Variants in GALNT13 observed in about 807,000 individuals in gnomAD.
The protein encoded by GALNT13 is UDP-GalNAc:polypeptide N-acetylgalactosaminyltransferase 13.
Under a neutral mutation model 64.2 loss-of-function variants are expected in GALNT13, and 28 were observed. The observed-to-expected ratio is 0.44, with a 90% confidence interval of 0.32 to 0.60. The LOEUF is 0.60. GALNT13 is among the 20% of genes least tolerant of loss of function. The probability of loss-of-function intolerance (pLI) is 0.05; values close to 1 mark genes in which losing one functional copy is unlikely to be tolerated. For missense variants in GALNT13, 577 were observed against 669.8 expected (o/e 0.86, Z 1.53); for synonymous variants, 214 against 224.6 (o/e 0.95, Z 0.42).
the GALNT13 span, among the ~76,000 whole-genome samples, chr2:153,283,899 C>A: frequency 1.3e-5 from 2 of 152,120 alleles, no homozygotes. Flanking sequence ...CTGATCCATG[C>A]AAATTGGTGC....
the GALNT13 span, among the ~76,000 whole-genome samples, chr2:153,454,492 C>A: frequency 6.6e-6 from 1 of 152,144 alleles, no homozygotes; most frequent in African/African-American, 2.4e-5. Context: ...GCTCCTTGGA[C>A]AACTGAAACA....
intron 1 of GALNT13, among the ~76,000 whole-genome samples, chr2:153,877,599 G>C (rs552524140): frequency 6.6e-6 from 1 of 152,202 alleles, no homozygotes; most frequent in African/African-American, 2.4e-5. Flanking sequence ...GGAGGATTAT[G>C]TAGCTTAGAA....
the GALNT13 span, among the ~76,000 whole-genome samples, chr2:153,614,316 T>G: frequency 3.9e-5 from 6 of 152,102 alleles, no homozygotes; most frequent in Non-Finnish European, 7.4e-5. Flanking sequence ...ACTGTGGTGA[T>G]TAAAGAAAAT....
the GALNT13 span, among the ~76,000 whole-genome samples, chr2:153,639,541 C>A: frequency 6.6e-6 from 1 of 151,930 alleles, no homozygotes; most frequent in Non-Finnish European, 1.5e-5. Flanking sequence ...TAGCAGTGTG[C>A]AAGAAGTCAA....
At chr2:153,121,196 A>C in the GALNT13 span, among the ~76,000 whole-genome samples, 1 of 152,300 alleles carries the variant, frequency 6.6e-6, no homozygotes, top group Admixed American at 6.5e-5. Context: ...AAGACCACCA[A>C]ATCCCCCTGA....
the GALNT13 span, among the ~76,000 whole-genome samples, chr2:153,105,246 A>G: frequency 2.0e-5 from 3 of 152,214 alleles, no homozygotes; most frequent in East Asian, 5.8e-4. Context: ...GTAATCCAGC[A>G]TATAAACAGA....
chr2:153,459,897 A>G, the GALNT13 span, among the ~76,000 whole-genome samples: 1 of 152,184 alleles, frequency 6.6e-6, no homozygotes. Context: ...CTAGAAAACT[A>G]TATACATTAA....
At chr2:153,220,189 G>A in the GALNT13 span, among the ~76,000 whole-genome samples, 3 of 152,172 alleles carry the variant, frequency 2.0e-5, no homozygotes, top group East Asian at 3.9e-4. Context: ...AGGTATGAGT[G>A]GGGCAGGAGA....
At chr2:153,336,153 G>C in the GALNT13 span, among the ~76,000 whole-genome samples, 1 of 152,318 alleles carries the variant, frequency 6.6e-6, no homozygotes, top group Admixed American at 6.5e-5. Context: ...GATGCTCCTG[G>C]GGAACCTCTG....
the GALNT13 span, among the ~76,000 whole-genome samples, chr2:153,072,056 C>T: frequency 6.6e-6 from 1 of 152,178 alleles, no homozygotes; most frequent in Non-Finnish European, 1.5e-5. Context: ...TACTGAAGAA[C>T]CTTTAGTGTG....
chr2:153,115,352 G>A, the GALNT13 span, among the ~76,000 whole-genome samples: 2 of 152,150 alleles, frequency 1.3e-5, no homozygotes, highest in African/African-American at 4.8e-5. Context: ...GATCCCAAGT[G>A]CAATAAAACA....
the GALNT13 span, among the ~76,000 whole-genome samples, chr2:153,162,079 G>A: frequency 1.5e-4 from 23 of 152,130 alleles, no homozygotes; most frequent in Admixed American, 1.4e-3. Flanking sequence ...TCTTTGACAT[G>A]AGATAAGGAG....
At chr2:153,545,019 C>G in the GALNT13 span, among the ~76,000 whole-genome samples, 1 of 151,922 alleles carries the variant, frequency 6.6e-6, no homozygotes, top group Non-Finnish European at 1.5e-5. Context: ...TGAATAAGGA[C>G]TAGTAGTGAG....
At chr2:153,267,574 G>A in the GALNT13 span, among the ~76,000 whole-genome samples, 1 of 152,176 alleles carries the variant, frequency 6.6e-6, no homozygotes, top group Non-Finnish European at 1.5e-5. Context: ...GGAGTGGCAG[G>A]AACCCAAGGC....
chr2:153,143,938 A>G, the GALNT13 span, among the ~76,000 whole-genome samples: 14 of 152,036 alleles, frequency 9.2e-5, no homozygotes, highest in Admixed American at 2.6e-4. Context: ...GTTTGCCTTC[A>G]TTTCTTAGCA....
chr2:153,822,316 G>T, the GALNT13 span, among the ~76,000 whole-genome samples: 1 of 152,042 alleles, frequency 6.6e-6, no homozygotes, highest in Admixed American at 6.5e-5. Flanking sequence ...GATTAACATA[G>T]ATGCCAAAAT....
the GALNT13 span, among the ~76,000 whole-genome samples, chr2:153,555,417 ATCTCCTGACC>A: frequency 9.5e-6 from 1 of 105,386 alleles, no homozygotes; most frequent in South Asian, 3.6e-4. Context: ...GATGGTCTCG[ATCTCCTGACC>A]TCGTGATCCG....
chr2:153,630,805 ATATTTTTTTTTT>A, the GALNT13 span, among the ~76,000 whole-genome samples: 77 of 14,988 alleles, frequency 5.1e-3, no homozygotes, highest in South Asian at 0.01. Context: ...ATATATATAT[ATATTTTTTTTTT>A]TTTTTTTATT....
the GALNT13 span, among the ~76,000 whole-genome samples, chr2:153,215,135 T>C: frequency 6.6e-6 from 1 of 152,092 alleles, no homozygotes; most frequent in Non-Finnish European, 1.5e-5. Flanking sequence ...TTTTAGATAA[T>C]TAATTGATTC....
Sources: gnomAD v4.1 joint callset for allele counts (sites outside exome capture counted in the v4.1 genomes callset) on GRCh38, gnomAD v4.1.1 for gene constraint, MANE v1.5 for transcripts, NCBI Gene and HGNC (gene_info 2026-07-23, HGNC 2026-07-21) for gene names.